The following FIP1L1 variants were observed in gnomAD, a reference collection of about 807,000 sequenced individuals.
FIP1L1 encodes the protein pre-mRNA 3'-end-processing factor FIP1.
FIP1L1 carries 21 observed loss-of-function variants against 84.6 expected under a neutral mutation model. That is an observed-to-expected ratio of 0.25 (90% CI 0.18 to 0.36). The LOEUF (loss-of-function observed/expected upper bound fraction) is 0.36, where lower values mean the gene tolerates loss of function less well. Ranked by LOEUF, FIP1L1 falls within the 10% of genes least tolerant of loss-of-function variation. FIP1L1 has a pLI of 1.00. For synonymous variants in FIP1L1, 263 were observed against 242.3 expected (o/e 1.09, Z -0.80); for missense variants, 526 against 751.1 (o/e 0.70, Z 3.50).
At chr4:53,392,884 T>C (rs1012658452) in intron 9 of FIP1L1, among the ~76,000 whole-genome samples, 6 of 152,322 alleles carry the variant, frequency 3.9e-5, no homozygotes, top group Middle Eastern at 3.4e-3. Flanking sequence ...ATGAAAGATT[T>C]TAATTCGATG....
At chr4:53,380,296 G>C (rs1737137279) in intron 3 of FIP1L1, among the ~76,000 whole-genome samples, 4 of 152,190 alleles carry the variant, frequency 2.6e-5, no homozygotes, top group Admixed American at 2.6e-4. Flanking sequence ...ATATTATTTG[G>C]CAAGGACAAT....
rs919808823 is a variant in FIP1L1, at chr4:53,460,836, A to AGAT, written c.*1388_*1390dup. 35 of 1,331,966 alleles carry AGAT rather than the reference A, an allele frequency of 2.6e-5. No homozygotes were observed. The Middle Eastern group carries it at 5.5e-4, about 21-fold the overall frequency. The allele number at this position is 1,331,966 out of a possible 1,614,324, so 82.5% of individuals were successfully genotyped here. ...CTTTCTTTAAATATAAAAACTGACA[A>AGAT]GATAAATATAGTGTTTCAACTTCTT... On this transcript the variant is annotated 3_prime_UTR_variant, in exon 18 of 18. Coordinates refer to ENST00000337488, the MANE Select transcript of FIP1L1 (RefSeq NM_030917.4).
At position 53,383,884 on chromosome 4, in the gene FIP1L1, AT is replaced by A. The variant is rs1560484614; in HGVS notation, c.332+14del. ...GGGAGCACCACAGTATGGGTAAGTT[AT>A]TTTTTAGTAAGTAACAATTGTGTAA... On this transcript the variant is annotated intron_variant, in intron 5 of 17. Coordinates refer to ENST00000337488, the MANE Select transcript of FIP1L1 (RefSeq NM_030917.4). 1 of 1,608,172 alleles carries A rather than the reference AT, an allele frequency of 6.2e-7. No homozygotes were observed. Among genetic ancestry groups the A allele is most frequent in the Non-Finnish European group, 8.5e-7 (1 of 1,177,814 alleles).
intron 1 of FIP1L1, chr4:53,378,871 A>G: frequency 3.5e-6 from 2 of 578,048 alleles, no homozygotes; most frequent in African/African-American, 1.9e-5. Flanking sequence ...GTAAAAAAAA[A>G]TCGTTTGGTG....
chr4:53,436,641 A>G (rs755049612), intron 13 of FIP1L1, among the ~76,000 whole-genome samples: 1 of 152,146 alleles, frequency 6.6e-6, no homozygotes, highest in African/African-American at 2.4e-5. Flanking sequence ...GTCAGAAGCT[A>G]TTTTGCCTTA....
At chr4:53,432,835 A>G (rs1209593914) in intron 13 of FIP1L1, among the ~76,000 whole-genome samples, 1 of 152,150 alleles carries the variant, frequency 6.6e-6, no homozygotes, top group Non-Finnish European at 1.5e-5. Flanking sequence ...ATATCCAGAA[A>G]ATCGTATTAT....
intron 11 of FIP1L1, among the ~76,000 whole-genome samples, chr4:53,416,653 A>G (rs1461249702): frequency 6.6e-6 from 1 of 152,176 alleles, no homozygotes; most frequent in African/African-American, 2.4e-5. Context: ...GTCAACTTTC[A>G]TAGACAAAGG....
intron 10 of FIP1L1, among the ~76,000 whole-genome samples, chr4:53,402,395 A>G (rs1322928137): frequency 1.3e-5 from 2 of 152,140 alleles, no homozygotes; most frequent in Non-Finnish European, 2.9e-5. Context: ...GTTTTTTTTC[A>G]AAACAAAGAA....
intron 16 of FIP1L1, among the ~76,000 whole-genome samples, chr4:53,454,877 G>T (rs1718112886): frequency 6.6e-6 from 1 of 152,126 alleles, no homozygotes; most frequent in Admixed American, 6.6e-5. Context: ...AAGGCTATTT[G>T]GTCTACATTA....
chr4:53,378,782 T>C, intron 1 of FIP1L1: 3 of 375,082 alleles, frequency 8.0e-6, no homozygotes, highest in Non-Finnish European at 1.4e-5. Flanking sequence ...CATATATTCT[T>C]GATTGTCTTT....
intron 10 of FIP1L1, among the ~76,000 whole-genome samples, chr4:53,408,190 G>A (rs535896980): frequency 6.6e-6 from 1 of 152,198 alleles, no homozygotes; most frequent in Non-Finnish European, 1.5e-5. Flanking sequence ...GGCAGGCCTG[G>A]TGGTGACAAA....
chr4:53,453,104 T>A lies in FIP1L1; in HGVS notation c.1470T>A (p.Asp490Glu), dbSNP rs200359590. 13 of 1,613,920 alleles carry A rather than the reference T, an allele frequency of 8.1e-6. No individual in the cohort carries two copies. In the East Asian group the frequency reaches 2.5e-4, roughly 30 times the overall value. ...ERTRERERER[D>E]HSPTPSVFNS... ...CCAGAGAGAGAGAGAGGGAGCGTGA[T>A]CACAGTCCTACACCAAGTGTTTTCA... The change falls in exon 16 of 18, where the codon GAT becomes GAA. Residue 490 changes from aspartate (D) to glutamate (E), a missense_variant. Coordinates refer to ENST00000337488, the MANE Select transcript of FIP1L1 (RefSeq NM_030917.4).
intron 15 of FIP1L1, among the ~76,000 whole-genome samples, chr4:53,444,693 A>G (rs1342703037): frequency 1.3e-5 from 2 of 151,978 alleles, no homozygotes; most frequent in Non-Finnish European, 2.9e-5. Context: ...CTCCTGAACT[A>G]AAGTGATCAT....
At chr4:53,418,289 A>G (rs947842847) in intron 11 of FIP1L1, among the ~76,000 whole-genome samples, 12 of 152,122 alleles carry the variant, frequency 7.9e-5, no homozygotes, top group African/African-American at 2.9e-4. Flanking sequence ...CTCTAAATAA[A>G]TAAATAAATA....
At chr4:53,383,906 T>C in intron 5 of FIP1L1, 30 bp downstream of exon 5, 1 of 1,602,284 alleles carries the variant, frequency 6.2e-7, no homozygotes, top group Non-Finnish European at 8.5e-7. Flanking sequence ...GTAACAATTG[T>C]GTAAATGCTA....
chr4:53,390,967 G>T (rs753794003), intron 7 of FIP1L1, 42 bp from the exon 8 acceptor site: 10 of 1,499,036 alleles, frequency 6.7e-6, no homozygotes, highest in Non-Finnish European at 6.3e-6. Context: ...CATAAAAATA[G>T]AGCTGAAATA....
chr4:53,385,460 C>T (rs1740444533), intron 5 of FIP1L1, among the ~76,000 whole-genome samples: 1 of 152,072 alleles, frequency 6.6e-6, no homozygotes, highest in Non-Finnish European at 1.5e-5. Flanking sequence ...TACCTTTACA[C>T]ACTTCAGATT....
rs1430562698 is a variant in FIP1L1 at position 53,460,133 on chromosome 4, G to A, written c.*684G>A. On this transcript the variant is annotated 3_prime_UTR_variant, in exon 18 of 18. Transcript: ENST00000337488. ...CTTCATTGTGGCACAAATTTAAATC[G>A]CCTCATGACCATGTCTGTGAGCCAG... 4.0e-5 allele frequency: 8 copies of A among 198,232 alleles called. No individual in the cohort carries two copies. The highest frequency in any genetic ancestry group is 2.3e-4 in the East Asian group (3 of 12,806). 12.3% of individuals were successfully genotyped at this position (198,232 alleles called of 1,614,324 possible). A position where few individuals can be genotyped will look rare whatever the true frequency, so the allele number is the denominator to read the frequency against.
At chr4:53,405,802 C>A (rs942262431) in intron 10 of FIP1L1, among the ~76,000 whole-genome samples, 4 of 141,522 alleles carry the variant, frequency 2.8e-5, no homozygotes, top group African/African-American at 1.1e-4. Context: ...TGATTTGGCT[C>A]TCTGTTTGTC....
Sources: gnomAD v4.1 joint callset for allele counts (sites outside exome capture counted in the v4.1 genomes callset) on GRCh38, gnomAD v4.1.1 for gene constraint, MANE v1.5 for transcripts, NCBI Gene and HGNC (gene_info 2026-07-23, HGNC 2026-07-21) for gene names.